ZNF521: variants seen among roughly 807,000 people sequenced by gnomAD.
The protein encoded by ZNF521 is zinc finger protein 521, also known as LYST-interacting protein 3.
A neutral mutation model predicts 105.5 loss-of-function variants in ZNF521; 14 were observed. That is an observed-to-expected ratio of 0.13 (90% CI 0.09 to 0.21). The LOEUF is 0.21. ZNF521 is among the 10% of genes least tolerant of loss of function. The pLI is 1.00. For synonymous variants in ZNF521, 635 were observed against 606.0 expected (o/e 1.05, Z -0.70); for missense variants, 1,233 against 1,629.7 (o/e 0.76, Z 4.19).
chr18:25,183,383 T>C (rs1193009512), intron 5 of ZNF521, among the ~76,000 whole-genome samples: 1 of 152,216 alleles, frequency 6.6e-6, no homozygotes, highest in Non-Finnish European at 1.5e-5. Flanking sequence ...TAATTAATGC[T>C]AACAGCACTT....
intron 5 of ZNF521, among the ~76,000 whole-genome samples, chr18:25,174,451 A>G (rs369525943): frequency 4.5e-4 from 68 of 152,316 alleles, no homozygotes; most frequent in African/African-American, 1.6e-3. Flanking sequence ...CCCAGGATTC[A>G]AGCTAGTATA....
chr18:25,090,818 C>T (rs908089113), intron 6 of ZNF521, among the ~76,000 whole-genome samples: 1 of 152,130 alleles, frequency 6.6e-6, no homozygotes, highest in Admixed American at 6.5e-5. Flanking sequence ...TATAAAGAAC[C>T]TAGACTCTTG....
intron 3 of ZNF521, among the ~76,000 whole-genome samples, chr18:25,236,759 A>G (rs1332715722): frequency 6.6e-6 from 1 of 152,172 alleles, no homozygotes; most frequent in Non-Finnish European, 1.5e-5. Context: ...GATATAAGAC[A>G]ATCCTTTATC....
At chr18:25,090,114 T>C (rs1371457780) in intron 6 of ZNF521, among the ~76,000 whole-genome samples, 1 of 152,172 alleles carries the variant, frequency 6.6e-6, no homozygotes, top group Non-Finnish European at 1.5e-5. Context: ...GCCTACACAC[T>C]GAATGCAAGG....
At chr18:25,108,246 T>G (rs2034112688) in intron 5 of ZNF521, among the ~76,000 whole-genome samples, 1 of 152,224 alleles carries the variant, frequency 6.6e-6, no homozygotes, top group South Asian at 2.1e-4. Context: ...ACTTAAAGTA[T>G]ATGCAATATA....
intron 5 of ZNF521, among the ~76,000 whole-genome samples, chr18:25,098,752 C>A (rs180762859): frequency 1.2e-4 from 19 of 152,176 alleles, no homozygotes; most frequent in Non-Finnish European, 2.2e-4. Context: ...TTTACTTGAA[C>A]AGTCAATTCT....
intron 2 of ZNF521, among the ~76,000 whole-genome samples, chr18:25,323,130 G>C (rs1228708723): frequency 1.3e-5 from 2 of 151,700 alleles, no homozygotes; most frequent in Admixed American, 6.6e-5. Flanking sequence ...TATCTCTTTG[G>C]GGGAAATTAA....
chr18:25,216,155 G>A (rs1367146720), intron 4 of ZNF521, among the ~76,000 whole-genome samples: 7 of 151,902 alleles, frequency 4.6e-5, no homozygotes. Flanking sequence ...CAGCCTCATA[G>A]GGAAATTCTG....
At chr18:25,141,579 T>C (rs1440313557) in intron 5 of ZNF521, among the ~76,000 whole-genome samples, 2 of 152,192 alleles carry the variant, frequency 1.3e-5, no homozygotes, top group Non-Finnish European at 2.9e-5. Context: ...TTGCCAGAGA[T>C]GGAAGCCTGT....
At chr18:25,182,930 G>A (rs2035657777) in intron 5 of ZNF521, among the ~76,000 whole-genome samples, 1 of 152,198 alleles carries the variant, frequency 6.6e-6, no homozygotes, top group Admixed American at 6.5e-5. Context: ...CCAACGTGAT[G>A]ACAGTAATGA....
intron 3 of ZNF521, among the ~76,000 whole-genome samples, chr18:25,255,152 C>T (rs1908390660): frequency 6.6e-6 from 1 of 151,970 alleles, no homozygotes; most frequent in Non-Finnish European, 1.5e-5. Context: ...TCTTGTTTTC[C>T]ACCTCCAGTG....
chr18:25,285,440 C>T (rs1910643837), intron 3 of ZNF521, among the ~76,000 whole-genome samples: 1 of 152,210 alleles, frequency 6.6e-6, no homozygotes, highest in South Asian at 2.1e-4. Context: ...ACATGTGTTG[C>T]TGACATGTTG....
chr18:25,166,757 A>G (rs951833280), intron 5 of ZNF521, among the ~76,000 whole-genome samples: 4 of 152,190 alleles, frequency 2.6e-5, no homozygotes, highest in African/African-American at 9.7e-5. Context: ...TAACTAGACA[A>G]TTGGCAGAAT....
At chr18:25,198,875 T>C (rs1173124478) in intron 4 of ZNF521, among the ~76,000 whole-genome samples, 4 of 152,066 alleles carry the variant, frequency 2.6e-5, no homozygotes, top group Middle Eastern at 3.4e-3. Flanking sequence ...AGAAGACAGG[T>C]TATTCTGAGA....
intron 5 of ZNF521, among the ~76,000 whole-genome samples, chr18:25,139,708 T>A (rs1302466753): frequency 6.6e-6 from 1 of 152,174 alleles, no homozygotes; most frequent in Non-Finnish European, 1.5e-5. Context: ...GTTTGATTCC[T>A]TCAATCTACA....
rs35687026 is a variant in ZNF521, at chr18:25,290,607, C to CTTTT, written c.220+31397_220+31400dup. Among the ~76,000 whole-genome samples the CTTTT allele has an allele frequency of 2.4e-4, 28 of 116,200 alleles. 1 individual carries two copies. Among genetic ancestry groups the CTTTT allele is most frequent in the South Asian group, 2.8e-4 (1 of 3,584 alleles). The allele number at this position is 116,200 out of a possible 152,430, so 76.2% of individuals were successfully genotyped here. A position where few individuals can be genotyped will look rare whatever the true frequency, so the allele number is the denominator to read the frequency against. ...TGTTTGATGCACAGTAGGCCATATT[C>CTTTT]TTTTTTTTTTTTTTTTTTTTTGAGA... is the stretch of plus-strand genomic sequence containing the variant. On this transcript the variant is annotated intron_variant, in intron 3 of 7. Coordinates refer to ENST00000361524, the MANE Select transcript of ZNF521 (RefSeq NM_015461.3).
chr18:25,345,000 TTTC>T (rs1914400036), intron 2 of ZNF521, among the ~76,000 whole-genome samples: 1 of 152,212 alleles, frequency 6.6e-6, no homozygotes, highest in Admixed American at 6.5e-5. Flanking sequence ...TCAAAACCTC[TTTC>T]TTCTTATTAC....
chr18:25,087,604 G>A (rs1379257766), intron 7 of ZNF521, among the ~76,000 whole-genome samples: 1 of 152,092 alleles, frequency 6.6e-6, no homozygotes, highest in Non-Finnish European at 1.5e-5. Context: ...AGGTGTTTTG[G>A]CCATATCCTT....
intron 3 of ZNF521, among the ~76,000 whole-genome samples, chr18:25,239,581 T>C (rs942359436): frequency 1.3e-5 from 2 of 152,194 alleles, no homozygotes; most frequent in African/African-American, 4.8e-5. Flanking sequence ...GGAAGGGAGC[T>C]TCCTATATTC....
Sources: gnomAD v4.1 joint callset for allele counts (sites outside exome capture counted in the v4.1 genomes callset) on GRCh38, gnomAD v4.1.1 for gene constraint, MANE v1.5 for transcripts, NCBI Gene and HGNC (gene_info 2026-07-23, HGNC 2026-07-21) for gene names.